Variants in SMAP1 observed in about 807,000 individuals in gnomAD.
SMAP1 encodes the protein small ArfGAP 1.
Under a neutral mutation model 58.5 loss-of-function variants are expected in SMAP1, and 24 were observed. The ratio of observed to expected loss-of-function variants is 0.41; its 90% CI spans 0.30 to 0.58. SMAP1 has a LOEUF of 0.58. Among genes scored for constraint, SMAP1 ranks in the 20% least tolerant of loss-of-function variants. SMAP1 has a pLI of 0.29. For synonymous variants in SMAP1, 216 were observed against 196.6 expected (o/e 1.10, Z -0.82); for missense variants, 563 against 566.3 (o/e 0.99, Z 0.06).
At chr6:70,758,795 TA>T (rs1172934904) in intron 3 of SMAP1, among the ~76,000 whole-genome samples, 1 of 152,076 alleles carries the variant, frequency 6.6e-6, no homozygotes, top group African/African-American at 2.4e-5. Flanking sequence ...AGGGAGTCAC[TA>T]AAATAACCCT....
At chr6:70,784,352 C>G (rs1457583590) in intron 4 of SMAP1, among the ~76,000 whole-genome samples, 1 of 152,092 alleles carries the variant, frequency 6.6e-6, no homozygotes, top group Non-Finnish European at 1.5e-5. Context: ...AAAAACATGC[C>G]AAATTGTAAA....
chr6:70,858,240 T>G lies in SMAP1; in HGVS notation c.1269+11T>G. ...TGGAGCCTCTCACAGGTAGGGGTCA[T>G]TTACTTTCTAGCTTCTCCCAAATCA... On this transcript the variant is annotated intron_variant, in intron 10 of 10. Transcript: ENST00000370455. 6.3e-7 allele frequency: 1 copy of G among 1,595,408 alleles called. No homozygotes were observed.
At chr6:70,679,278 C>G (rs1335455242) in intron 1 of SMAP1, among the ~76,000 whole-genome samples, 4 of 152,092 alleles carry the variant, frequency 2.6e-5, no homozygotes, top group African/African-American at 9.7e-5. Context: ...CTTGGCCTCC[C>G]AAAGTGCTGG....
intron 3 of SMAP1, among the ~76,000 whole-genome samples, chr6:70,758,813 T>C (rs931289139): frequency 2.6e-5 from 4 of 152,112 alleles, no homozygotes; most frequent in Non-Finnish European, 4.4e-5. Context: ...CCCTGAAATT[T>C]CTAGCTTGGT....
intron 2 of SMAP1, among the ~76,000 whole-genome samples, chr6:70,744,004 A>G (rs966839449): frequency 1.3e-5 from 2 of 152,194 alleles, no homozygotes; most frequent in Non-Finnish European, 2.9e-5. Context: ...TGATTTGTTA[A>G]AAATTTTTAA....
At chr6:70,689,756 T>C (rs1156650844) in intron 1 of SMAP1, among the ~76,000 whole-genome samples, 1 of 152,202 alleles carries the variant, frequency 6.6e-6, no homozygotes, top group East Asian at 1.9e-4. Flanking sequence ...CAGTATTTTA[T>C]AGTTTTCAGT....
At chr6:70,817,373 C>T (rs1171923107) in intron 6 of SMAP1, among the ~76,000 whole-genome samples, 1 of 151,982 alleles carries the variant, frequency 6.6e-6, no homozygotes, top group Non-Finnish European at 1.5e-5. Context: ...ATTTGAGGTT[C>T]TTTGATTCTT....
At chr6:70,841,707 T>C (rs1353793787) in intron 7 of SMAP1, among the ~76,000 whole-genome samples, 1 of 152,200 alleles carries the variant, frequency 6.6e-6, no homozygotes, top group Non-Finnish European at 1.5e-5. Context: ...GGCAAGTCGA[T>C]GAGAAAAGTT....
At chr6:70,849,530 CTT>C (rs1554209981) in intron 7 of SMAP1, among the ~76,000 whole-genome samples, 1 of 152,050 alleles carries the variant, frequency 6.6e-6, no homozygotes, top group African/African-American at 2.4e-5. Context: ...GCTGTGTAGA[CTT>C]TATTTAGAGG....
At chr6:70,778,779 G>C (rs1767646592) in intron 4 of SMAP1, among the ~76,000 whole-genome samples, 1 of 152,226 alleles carries the variant, frequency 6.6e-6, no homozygotes, top group Admixed American at 6.5e-5. Flanking sequence ...CAGCAGCTCT[G>C]AGTAGGCCTG....
At chr6:70,694,225 T>G in intron 1 of SMAP1, 1 of 267,544 alleles carries the variant, frequency 3.7e-6, no homozygotes, top group South Asian at 4.2e-5. Flanking sequence ...CTCAAGAGAT[T>G]TATGTTAATG....
chr6:70,724,130 G>A (rs1009254385), intron 1 of SMAP1, among the ~76,000 whole-genome samples: 1 of 150,488 alleles, frequency 6.6e-6, no homozygotes, highest in African/African-American at 2.4e-5. Flanking sequence ...TACTTGCTGG[G>A]GTATTTAAGG....
At chr6:70,718,187 G>A (rs1478446402) in intron 1 of SMAP1, among the ~76,000 whole-genome samples, 1 of 152,018 alleles carries the variant, frequency 6.6e-6, no homozygotes, top group African/African-American at 2.4e-5. Flanking sequence ...TTTATCTAAT[G>A]GGTTAATGAA....
At chr6:70,676,694 C>T (rs995969338) in intron 1 of SMAP1, among the ~76,000 whole-genome samples, 1 of 152,218 alleles carries the variant, frequency 6.6e-6, no homozygotes, top group African/African-American at 2.4e-5. Context: ...TCCCTCCTTG[C>T]ATTTAATAGC....
intron 6 of SMAP1, among the ~76,000 whole-genome samples, chr6:70,819,329 A>G (rs200246947): frequency 2.4e-5 from 1 of 42,422 alleles, no homozygotes; most frequent in Non-Finnish European, 6.7e-5. Flanking sequence ...TGTAAGGGTG[A>G]AAAAAAAAAA....
intron 10 of SMAP1, chr6:70,859,639 TTA>T (rs1036889420): frequency 8.6e-3 from 2,593 of 302,912 alleles, no homozygotes; most frequent in Middle Eastern, 0.015. Context: ...GTTAAGATGC[TTA>T]TATATATATA....
At chr6:70,683,666 A>G (rs1308542793) in intron 1 of SMAP1, among the ~76,000 whole-genome samples, 2 of 152,184 alleles carry the variant, frequency 1.3e-5, no homozygotes, top group African/African-American at 4.8e-5. Flanking sequence ...TATTCCACCC[A>G]TAAGACCGTG....
At position 70,856,963 on chromosome 6, in the gene SMAP1, A is replaced by G; in HGVS notation, c.894A>G (p.Lys298=). ...CAAAATCAGAAGAAGTGGCAAAGAAACAACTTTCCAAAGACTCCATCTTAT... is the reference window on the plus strand; with the variant it reads ...CAAAATCAGAAGAAGTGGCAAAGAAGCAACTTTCCAAAGACTCCATCTTAT... ...QTTKSEEVAK[K]QLSKDSILSL... is the part of the protein sequence containing the mutation. The change falls in exon 9 of 11, where the codon AAA becomes AAG. Residue 298 remains lysine (K), a synonymous_variant. Coordinates refer to ENST00000370455, the MANE Select transcript of SMAP1 (RefSeq NM_001044305.3). 6.2e-7 allele frequency: 1 copy of G among 1,614,034 alleles called. No individual in the cohort carries two copies. Among genetic ancestry groups the G allele is most frequent in the Non-Finnish European group, 8.5e-7 (1 of 1,179,902 alleles).
At chr6:70,712,858 A>G (rs1218129736) in intron 1 of SMAP1, among the ~76,000 whole-genome samples, 1 of 150,472 alleles carries the variant, frequency 6.6e-6, no homozygotes, top group Non-Finnish European at 1.5e-5. Flanking sequence ...CAGTGGCACA[A>G]TCATGGTTCA....
Sources: allele counts gnomAD v4.1 joint callset (sites outside exome capture counted in the v4.1 genomes callset), GRCh38; gene constraint gnomAD v4.1.1; transcripts MANE v1.5; gene names NCBI Gene and HGNC (gene_info 2026-07-23, HGNC 2026-07-21).